PPIL4: variants seen among roughly 807,000 people sequenced by gnomAD.
PPIL4 encodes the protein peptidylprolyl isomerase like 4.
PPIL4 carries 50 observed loss-of-function variants against 69.1 expected under a neutral mutation model. The observed-to-expected ratio is 0.72, with a 90% CI of 0.58 to 0.92. The LOEUF is 0.92. PPIL4 is among the 40% of genes least tolerant of loss of function. The pLI, the probability that PPIL4 is intolerant of heterozygous loss-of-function variation, is 0.00. For synonymous variants in PPIL4, 193 were observed against 191.6 expected (o/e 1.01, Z -0.06); for missense variants, 480 against 587.9 (o/e 0.82, Z 1.90).
At chr6:149,534,613 A>G in intron 6 of PPIL4, 65 bp downstream of exon 6, 1 of 848,218 alleles carries the variant, frequency 1.2e-6, no homozygotes, top group Non-Finnish European at 1.8e-6. Context: ...TAACAGATGA[A>G]AAAGATAAAT....
intron 7 of PPIL4, among the ~76,000 whole-genome samples, chr6:149,531,044 G>GA (rs1777187948): frequency 6.6e-6 from 1 of 152,088 alleles, no homozygotes; most frequent in African/African-American, 2.4e-5. Context: ...TAATCATGAG[G>GA]AAAGAGTAGA....
chr6:149,517,351 T>A lies in PPIL4; in HGVS notation c.1079+3A>T. 1 of 1,499,194 alleles carries A rather than the reference T, an allele frequency of 6.7e-7. No individual in the cohort carries two copies. Among genetic ancestry groups the A allele is most frequent in the Non-Finnish European group, 9.3e-7 (1 of 1,076,560 alleles). 92.9% of individuals were successfully genotyped at this position (1,499,194 alleles called of 1,614,324 possible). On this transcript the variant is annotated splice_donor_region_variant and intron_variant, in intron 11 of 12. Transcript: ENST00000253329. ...TTAACTAACTGATTCTTGGTAAGGA[T>A]ACTCCTGTTTGGGCTTTACTTTATC... is the stretch of plus-strand genomic sequence containing the variant.
chr6:149,535,701 T>C lies in PPIL4; in HGVS notation c.359A>G (p.Asp120Gly). 3 of 1,609,470 alleles carry C rather than the reference T, an allele frequency of 1.9e-6. 1 individual carries two copies. ...ITTGENLDYLDGVHTVFGEVT... is the reference protein window; with the variant it reads ...ITTGENLDYLGGVHTVFGEVT... Reference sequence around the variant, plus strand: ...CTCACCAAACACCGTATGGACACCATCAAGATAATCTAGATTTTCTCCTGT... The same window carrying C: ...CTCACCAAACACCGTATGGACACCACCAAGATAATCTAGATTTTCTCCTGT... Residue 120 changes from aspartate (D) to glycine (G), a missense_variant, in exon 5 of 13, where the codon GAT becomes GGT. Asp to Gly is a moderately conservative substitution (Grantham distance 94). Transcript: ENST00000253329.
At chr6:149,524,233 TATGTGTCTCAG>T (rs1331907011) in intron 9 of PPIL4, among the ~76,000 whole-genome samples, 1 of 152,212 alleles carries the variant, frequency 6.6e-6, no homozygotes, top group Non-Finnish European at 1.5e-5. Context: ...ACATTAGCAT[TATGTGTCTCAG>T]TTAACTTATT....
intron 5 of PPIL4, 22 bp from the exon 6 acceptor site, chr6:149,534,796 A>G: frequency 7.7e-7 from 1 of 1,297,414 alleles, no homozygotes; most frequent in South Asian, 1.3e-5. Context: ...AATCCAAATC[A>G]AATGTTATAC....
chr6:149,533,660 A>T, intron 6 of PPIL4, 86 bp from the exon 7 acceptor site: 1 of 742,294 alleles, frequency 1.3e-6, no homozygotes, highest in Non-Finnish European at 2.2e-6. Flanking sequence ...TCTTAGTTAT[A>T]TCAAACATGC....
chr6:149,506,849 C>T (rs1228596193), intron 12 of PPIL4, among the ~76,000 whole-genome samples: 1 of 152,170 alleles, frequency 6.6e-6, no homozygotes, highest in African/African-American at 2.4e-5. Flanking sequence ...CCTCCCACCT[C>T]GGCCTCCCAA....
chr6:149,539,343 G>GA (rs1346327574), intron 4 of PPIL4, among the ~76,000 whole-genome samples: 3 of 152,250 alleles, frequency 2.0e-5, no homozygotes, highest in African/African-American at 7.2e-5. Context: ...AATCTTTCAT[G>GA]AAAGGAAGAG....
At chr6:149,517,546 A>G in intron 10 of PPIL4, 96 bp from the exon 11 acceptor site, 1 of 576,590 alleles carries the variant, frequency 1.7e-6, no homozygotes, top group East Asian at 3.0e-5. Flanking sequence ...TATTTTATAA[A>G]TGGCATATAT....
chr6:149,540,802 A>G (rs1438661104), intron 4 of PPIL4, 140 bp downstream of exon 4: 1 of 477,076 alleles, frequency 2.1e-6, no homozygotes. Context: ...TTTAATATAG[A>G]AAAAGTGCAT....
intron 12 of PPIL4, among the ~76,000 whole-genome samples, 191 bp from the exon 13 acceptor site, chr6:149,505,895 C>T (rs1056043284): frequency 7.2e-5 from 11 of 152,078 alleles, no homozygotes; most frequent in African/African-American, 2.4e-4. Context: ...GGTTTAACAA[C>T]GTCATTGATT....
intron 11 of PPIL4, among the ~76,000 whole-genome samples, chr6:149,516,098 A>T (rs1441432269): frequency 6.6e-6 from 1 of 152,232 alleles, no homozygotes; most frequent in Admixed American, 6.5e-5. Flanking sequence ...CAATTAATTA[A>T]AATTAAAGAA....
intron 4 of PPIL4, 52 bp from the exon 5 acceptor site, chr6:149,535,790 CTG>C: frequency 7.4e-7 from 1 of 1,347,202 alleles, no homozygotes; most frequent in Non-Finnish European, 1.0e-6. Context: ...ATAACTCAAA[CTG>C]AAATCAGTTA....
In PPIL4 at chr6:149,512,144, A is replaced by G. The variant is rs201100357; in HGVS notation, c.1227+11T>C. On this transcript the variant is annotated intron_variant, in intron 12 of 12. Coordinates refer to ENST00000253329, the MANE Select transcript of PPIL4 (RefSeq NM_139126.4). ...TATTTCTCCACATCTAAGTCTGGACATTAGAGGTACCTGATTAGTATTTTT... is the reference window on the plus strand; with the variant it reads ...TATTTCTCCACATCTAAGTCTGGACGTTAGAGGTACCTGATTAGTATTTTT... 1.9e-6 allele frequency: 3 copies of G among 1,582,880 alleles called. No homozygotes were observed. Among genetic ancestry groups the G allele is most frequent in the African/African-American group, 1.4e-5 (1 of 73,750 alleles).
intron 1 of PPIL4, among the ~76,000 whole-genome samples, chr6:149,545,138 T>G (rs543888319): frequency 3.0e-4 from 45 of 152,294 alleles, no homozygotes; most frequent in Non-Finnish European, 5.4e-4. Context: ...ACACCAGTCC[T>G]TCCAGCCACA....
At chr6:149,538,900 G>A (rs922702731) in intron 4 of PPIL4, among the ~76,000 whole-genome samples, 1 of 151,866 alleles carries the variant, frequency 6.6e-6, no homozygotes, top group Non-Finnish European at 1.5e-5. Context: ...AGGCTGGAGT[G>A]CAGTGGTGCA....
intron 10 of PPIL4, among the ~76,000 whole-genome samples, chr6:149,519,983 A>C (rs1311059747): frequency 6.6e-6 from 1 of 152,184 alleles, no homozygotes; most frequent in Non-Finnish European, 1.5e-5. Flanking sequence ...GCTACGAGCA[A>C]TGTATTTGAC....
chr6:149,517,323 A>G (rs1489855765), intron 11 of PPIL4, 31 bp downstream of exon 11: 3 of 1,178,878 alleles, frequency 2.5e-6, no homozygotes, highest in South Asian at 1.2e-5. Context: ...TGGTCAATAC[A>G]TATTAACTAA....
chr6:149,533,490 CT>C lies in PPIL4; in HGVS notation c.645del (p.Glu216ArgfsTer32). The C allele has an allele frequency of 6.2e-7, 1 of 1,607,752 alleles. No individual in the cohort carries two copies. Among genetic ancestry groups the C allele is most frequent in the Non-Finnish European group, 8.5e-7 (1 of 1,174,636 alleles). The stretch of plus-strand genomic sequence containing the variant: ...AAAAGTATAGCCTGAGTTTTAGCCT[CT>C]TTTTCTGCCTTTATTTCTTCTACTT... Reference protein sequence around the residue: ...AEEVEEIKAEKEAKTQAILLE... With the variant: ...AEEVEEIKAEXEAKTQAILLE... On this transcript the variant is annotated frameshift_variant, in exon 7 of 13. Transcript: ENST00000253329. LOFTEE classifies it high-confidence loss of function.
Sources: allele counts gnomAD v4.1 joint callset (sites outside exome capture counted in the v4.1 genomes callset), GRCh38; gene constraint gnomAD v4.1.1; transcripts MANE v1.5; gene names NCBI Gene and HGNC (gene_info 2026-07-23, HGNC 2026-07-21).